BMERB1: variants seen among roughly 807,000 people sequenced by gnomAD.
BMERB1 encodes the protein bMERB domain containing 1.
BMERB1 carries 12 observed loss-of-function variants against 23.6 expected under a neutral mutation model. That is an observed-to-expected ratio of 0.51 (90% CI 0.33 to 0.82). The LOEUF (loss-of-function observed/expected upper bound fraction) is 0.82. Among genes scored for constraint, BMERB1 ranks in the 40% least tolerant of loss-of-function variants. The pLI, the probability that BMERB1 is intolerant of heterozygous loss-of-function variation, is 0.03. For missense variants in BMERB1, 247 were observed against 255.4 expected (o/e 0.97, Z 0.22); for synonymous variants, 122 against 96.6 (o/e 1.26, Z -1.54).
intron 5 of BMERB1, among the ~76,000 whole-genome samples, chr16:15,585,628 G>A (rs951643755): frequency 3.3e-5 from 5 of 152,136 alleles, no homozygotes; most frequent in Admixed American, 6.6e-5. Context: ...TCAGGAGCTC[G>A]AGACCAGCCT....
intron 5 of BMERB1, chr16:15,584,161 AGT>A: frequency 1.5e-6 from 1 of 646,242 alleles, no homozygotes; most frequent in South Asian, 1.7e-5. Flanking sequence ...AGGATATTAA[AGT>A]GATGATGGAT....
At chr16:15,486,715 C>T (rs1257387076) in intron 1 of BMERB1, among the ~76,000 whole-genome samples, 1 of 152,184 alleles carries the variant, frequency 6.6e-6, no homozygotes, top group Non-Finnish European at 1.5e-5. Context: ...ATATTATTGT[C>T]ATTTCCACCT....
At chr16:15,546,027 C>T (rs1173151756) in intron 2 of BMERB1, among the ~76,000 whole-genome samples, 1 of 152,106 alleles carries the variant, frequency 6.6e-6, no homozygotes, top group Non-Finnish European at 1.5e-5. Context: ...GGGCTCACGC[C>T]TGTAATCCCA....
chr16:15,486,839 C>A (rs1322845462), intron 1 of BMERB1, among the ~76,000 whole-genome samples: 1 of 152,122 alleles, frequency 6.6e-6, no homozygotes, highest in Non-Finnish European at 1.5e-5. Context: ...AGGCAAATTA[C>A]TTAACCTGTC....
rs144236506 is a variant in BMERB1 at position 15,521,459 on chromosome 16, A to C, written c.230+6031A>C. ...TGCTAAGCCCTTTACACACATGCTC[A>C]CATAACCCACATCAAATGCTTACTA... On this transcript the variant is annotated intron_variant, in intron 2 of 5. Transcript: ENST00000300006. Among the ~76,000 whole-genome samples the C allele has an allele frequency of 3.1e-3, 479 of 152,304 alleles. 22 individuals carry two copies. In the South Asian group the frequency reaches 0.097, roughly 31 times the overall value.
At chr16:15,470,825 CTTTTTTTTTTTT>C (rs35873574) in intron 1 of BMERB1, among the ~76,000 whole-genome samples, 105 of 49,388 alleles carry the variant, frequency 2.1e-3, no homozygotes, top group African/African-American at 3.2e-3. Context: ...CACCTGGCCT[CTTTTTTTTTTTT>C]TTTTTTTTTT....
At chr16:15,437,074 C>G (rs547315474) in intron 1 of BMERB1, among the ~76,000 whole-genome samples, 12 of 152,154 alleles carry the variant, frequency 7.9e-5, no homozygotes, top group Admixed American at 2.0e-4. Context: ...TCTGTTGGAC[C>G]CCAGAGCCTG....
intron 1 of BMERB1, among the ~76,000 whole-genome samples, chr16:15,492,477 G>A (rs1462433364): frequency 6.6e-6 from 1 of 152,144 alleles, no homozygotes; most frequent in African/African-American, 2.4e-5. Flanking sequence ...ATAAGTGTGG[G>A]CTGTGTATAG....
Position 15,515,271 on chromosome 16 carries a change from G to GTCCT in BMERB1, c.107-33_107-30dup, listed in dbSNP as rs1156533638. 2.5e-6 allele frequency: 4 copies of GTCCT among 1,612,044 alleles called. No individual in the cohort carries two copies. The Admixed American group carries it at 6.7e-5, about 27-fold the overall frequency. Reference sequence around the variant, plus strand: ...GTCTGTCCCATGGTGCAGCCTTGGGGTCCTGATGGTTGTATTTCCTGTCTC... The same window carrying GTCCT: ...GTCTGTCCCATGGTGCAGCCTTGGGGTCCTTCCTGATGGTTGTATTTCCTGTCTC... On this transcript the variant is annotated intron_variant, in intron 1 of 5. Transcript: ENST00000300006.
At chr16:15,503,253 A>C (rs896923156) in intron 1 of BMERB1, among the ~76,000 whole-genome samples, 8 of 151,468 alleles carry the variant, frequency 5.3e-5, no homozygotes, top group African/African-American at 1.9e-4. Context: ...CAAATATTTC[A>C]CCCTGTTATA....
At chr16:15,529,508 C>T (rs1045540937) in intron 2 of BMERB1, among the ~76,000 whole-genome samples, 1 of 152,098 alleles carries the variant, frequency 6.6e-6, no homozygotes, top group African/African-American at 2.4e-5. Flanking sequence ...TCCTTAGAAG[C>T]CTTTTGTAAA....
chr16:15,534,286 C>CAAAA (rs1168488547), intron 2 of BMERB1, among the ~76,000 whole-genome samples: 1 of 41,958 alleles, frequency 2.4e-5, no homozygotes, highest in African/African-American at 1.3e-4. Flanking sequence ...TTTTTAATTG[C>CAAAA]AAAAAAAAAA....
intron 3 of BMERB1, among the ~76,000 whole-genome samples, chr16:15,569,569 A>T (rs913894054): frequency 6.6e-6 from 1 of 152,176 alleles, no homozygotes; most frequent in East Asian, 1.9e-4. Context: ...TTACATTTCA[A>T]TATGAGATTT....
chr16:15,494,132 G>A (rs975512538), intron 1 of BMERB1, among the ~76,000 whole-genome samples: 1 of 152,164 alleles, frequency 6.6e-6, no homozygotes, highest in African/African-American at 2.4e-5. Context: ...GGATATTTCA[G>A]AACAAATGGA....
At chr16:15,544,153 C>G (rs1173718124) in intron 2 of BMERB1, among the ~76,000 whole-genome samples, 1 of 152,182 alleles carries the variant, frequency 6.6e-6, no homozygotes, top group Non-Finnish European at 1.5e-5. Context: ...AACCAGATTT[C>G]TCTCGAATTT....
At chr16:15,545,594 G>A (rs981969091) in intron 2 of BMERB1, among the ~76,000 whole-genome samples, 3 of 152,124 alleles carry the variant, frequency 2.0e-5, no homozygotes, top group African/African-American at 7.2e-5. Flanking sequence ...GACAGGCTTG[G>A]AAATGAGTAT....
chr16:15,462,871 C>T (rs1483714724), intron 1 of BMERB1, among the ~76,000 whole-genome samples: 1 of 152,138 alleles, frequency 6.6e-6, no homozygotes, highest in Non-Finnish European at 1.5e-5. Context: ...GCTGGACTTA[C>T]TCAGTCCCTC....
chr16:15,473,853 C>T (rs1346429017), intron 1 of BMERB1, among the ~76,000 whole-genome samples: 1 of 152,042 alleles, frequency 6.6e-6, no homozygotes, highest in African/African-American at 2.4e-5. Context: ...GGTGCGGTGG[C>T]TCACGCCTGT....
At chr16:15,556,970 T>A (rs1402254541) in intron 2 of BMERB1, among the ~76,000 whole-genome samples, 1 of 152,198 alleles carries the variant, frequency 6.6e-6, no homozygotes, top group African/African-American at 2.4e-5. Context: ...AGACTATTTT[T>A]AAAAGTCAAT....
Sources: gnomAD v4.1 joint callset for allele counts (sites outside exome capture counted in the v4.1 genomes callset) on GRCh38, gnomAD v4.1.1 for gene constraint, MANE v1.5 for transcripts, NCBI Gene and HGNC (gene_info 2026-07-23, HGNC 2026-07-21) for gene names.